ROR1: variants seen among roughly 807,000 people sequenced by gnomAD.
The protein encoded by ROR1 is ROR family WNT receptor 1.
A neutral mutation model predicts 78.8 loss-of-function variants in ROR1; 19 were observed. The ratio of observed to expected loss-of-function variants is 0.24; its 90% CI spans 0.17 to 0.35. ROR1 has a LOEUF of 0.35. Among genes scored for constraint, ROR1 ranks in the 10% least tolerant of loss-of-function variants. The pLI is 1.00. For synonymous variants in ROR1, 386 were observed against 433.6 expected, an observed-to-expected ratio of 0.89 and a Z score of 1.36; for missense variants, 917 against 1,177.8, an observed-to-expected ratio of 0.78 and a Z score of 3.24.
intron 4 of ROR1, among the ~76,000 whole-genome samples, chr1:64,107,678 T>C (rs975884742): frequency 0.041 from 5 of 122 alleles, no homozygotes; most frequent in African/African-American, 0.12. Flanking sequence ...TTGTATTGGT[T>C]TTTTTTTTTA....
chr1:63,809,142 T>C (rs1486742694), intron 1 of ROR1, among the ~76,000 whole-genome samples: 1 of 152,138 alleles, frequency 6.6e-6, no homozygotes, highest in African/African-American at 2.4e-5. Flanking sequence ...TCCCATAGTT[T>C]GTAGGTGATA....
At chr1:63,954,503 TAAATA>T (rs1168147574) in intron 1 of ROR1, among the ~76,000 whole-genome samples, 1 of 152,184 alleles carries the variant, frequency 6.6e-6, no homozygotes, top group Non-Finnish European at 1.5e-5. Context: ...TAAGCAGTGT[TAAATA>T]AAGACCTGAG....
chr1:63,896,387 T>G (rs1269684321), intron 1 of ROR1, among the ~76,000 whole-genome samples: 1 of 152,120 alleles, frequency 6.6e-6, no homozygotes. Context: ...CTGTGTTCAG[T>G]AACTTGAACT....
chr1:63,950,423 G>T (rs1431317214), intron 1 of ROR1, among the ~76,000 whole-genome samples: 1 of 152,184 alleles, frequency 6.6e-6, no homozygotes, highest in Non-Finnish European at 1.5e-5. Flanking sequence ...TGGTGCTGGT[G>T]GGAGTTTAAG....
At chr1:63,983,632 G>A (rs927345880) in intron 1 of ROR1, among the ~76,000 whole-genome samples, 8 of 152,144 alleles carry the variant, frequency 5.3e-5, no homozygotes, top group Admixed American at 2.0e-4. Flanking sequence ...GAATGGTCTG[G>A]TTTCTAACTG....
At chr1:64,090,457 A>C (rs1414412134) in intron 4 of ROR1, among the ~76,000 whole-genome samples, 1 of 152,228 alleles carries the variant, frequency 6.6e-6, no homozygotes, top group Admixed American at 6.5e-5. Context: ...TGCTCTGCTT[A>C]GTACGTAAGC....
In ROR1 at chr1:64,142,734, A is replaced by AG. The variant is rs1435013368; in HGVS notation, c.1174+90dup. 7.1e-6 allele frequency: 11 copies of AG among 1,558,566 alleles called. No individual in the cohort carries two copies. The South Asian group carries it at 7.3e-5, about 10-fold the overall frequency. On this transcript the variant is annotated intron_variant, in intron 7 of 8. Coordinates refer to ENST00000371079, the MANE Select transcript of ROR1 (RefSeq NM_005012.4). ...CCCTCTTATTTAGGAGAATCCTATA[A>AG]GGGGGGCAAAGAAAATGGACAGTAT...
At chr1:63,974,800 C>T (rs568668682) in intron 1 of ROR1, among the ~76,000 whole-genome samples, 5 of 152,042 alleles carry the variant, frequency 3.3e-5, no homozygotes, top group Non-Finnish European at 5.9e-5. Flanking sequence ...CCATCACCAC[C>T]GGCTACCAAC....
chr1:64,102,404 C>A (rs1402174455), intron 4 of ROR1, among the ~76,000 whole-genome samples: 1 of 151,770 alleles, frequency 6.6e-6, no homozygotes, highest in Admixed American at 6.6e-5. Flanking sequence ...ACAAGCAAAC[C>A]CAGCTCCTTC....
chr1:64,077,170 T>C (rs942265813), intron 4 of ROR1, among the ~76,000 whole-genome samples: 1 of 152,210 alleles, frequency 6.6e-6, no homozygotes, highest in African/African-American at 2.4e-5. Flanking sequence ...TGCAAATTTA[T>C]ATATGAGACA....
chr1:63,953,231 C>T (rs1645954853), intron 1 of ROR1, among the ~76,000 whole-genome samples: 1 of 152,120 alleles, frequency 6.6e-6, no homozygotes, highest in African/African-American at 2.4e-5. Flanking sequence ...TCATCTTGGG[C>T]AGCTTTTATT....
intron 2 of ROR1, among the ~76,000 whole-genome samples, chr1:64,040,536 A>G (rs141619684): frequency 0.013 from 1,913 of 152,324 alleles, 40 homozygotes; most frequent in African/African-American, 0.042. Flanking sequence ...ATAAACTACC[A>G]TAGACTGGGT....
At chr1:63,799,518 G>T (rs1348844081) in intron 1 of ROR1, among the ~76,000 whole-genome samples, 1 of 152,116 alleles carries the variant, frequency 6.6e-6, no homozygotes, top group African/African-American at 2.4e-5. Context: ...TGTATTTCAG[G>T]AATATTGTGC....
rs143987190 is a variant in ROR1 at position 64,110,356 on chromosome 1, G to A, written c.483-27013G>A. On this transcript the variant is annotated intron_variant, in intron 4 of 8. Transcript: ENST00000371079. The stretch of plus-strand genomic sequence containing the variant: ...AGTACTTCCTTCTCCATTTGATGAT[G>A]AGGAATCTGAAGGTAAGAGGCAGCA... 1.2e-4 allele frequency among the ~76,000 whole-genome samples: 18 copies of A among 152,282 alleles called. 1 individual carries two copies. The Middle Eastern group carries it at 0.017, about 145-fold the overall frequency.
intron 1 of ROR1, among the ~76,000 whole-genome samples, chr1:63,877,791 G>A (rs867527085): frequency 6.6e-6 from 1 of 152,020 alleles, no homozygotes; most frequent in African/African-American, 2.4e-5. Context: ...TAGACATTTT[G>A]GGGGGGAAAC....
intron 1 of ROR1, among the ~76,000 whole-genome samples, chr1:63,933,887 C>T (rs924509927): frequency 2.0e-5 from 3 of 152,170 alleles, no homozygotes; most frequent in Non-Finnish European, 4.4e-5. Flanking sequence ...TCCGCACCTT[C>T]GTGTCTGGAT....
chr1:63,889,092 T>C (rs1335211112), intron 1 of ROR1, among the ~76,000 whole-genome samples: 2 of 152,126 alleles, frequency 1.3e-5, no homozygotes, highest in Non-Finnish European at 1.5e-5. Context: ...GGTAGGAAAA[T>C]TCCTTGACAT....
intron 1 of ROR1, among the ~76,000 whole-genome samples, chr1:63,898,681 G>A (rs1185552726): frequency 1.3e-5 from 2 of 151,876 alleles, no homozygotes; most frequent in Non-Finnish European, 2.9e-5. Flanking sequence ...GGAAGAACAG[G>A]GAATGAAGTG....
intron 7 of ROR1, among the ~76,000 whole-genome samples, chr1:64,144,165 C>T (rs145287281): frequency 2.0e-5 from 3 of 152,084 alleles, no homozygotes; most frequent in Non-Finnish European, 2.9e-5. Flanking sequence ...AGAGTGACTC[C>T]GGAGCTTCTC....
Sources: gnomAD v4.1 joint callset for allele counts (sites outside exome capture counted in the v4.1 genomes callset) on GRCh38, gnomAD v4.1.1 for gene constraint, MANE v1.5 for transcripts, NCBI Gene and HGNC (gene_info 2026-07-23, HGNC 2026-07-21) for gene names.